Variants in TENM2 observed in about 807,000 individuals in gnomAD.
The protein encoded by TENM2 is teneurin-2.
Under a neutral mutation model 245.2 loss-of-function variants are expected in TENM2, and 52 were observed. The observed-to-expected ratio is 0.21, with a 90% confidence interval of 0.17 to 0.27. The LOEUF (loss-of-function observed/expected upper bound fraction) is 0.27. Among genes scored for constraint, TENM2 ranks in the 10% least tolerant of loss-of-function variants. TENM2 has a pLI of 1.00. For synonymous variants in TENM2, 1,363 were observed against 1,438.9 expected, an observed-to-expected ratio of 0.95 and a Z score of 1.19; for missense variants, 3,046 against 3,666.8, an observed-to-expected ratio of 0.83 and a Z score of 4.37.
At chr5:167,393,015 G>A (rs757597553) in intron 2 of TENM2, among the ~76,000 whole-genome samples, 1 of 151,752 alleles carries the variant, frequency 6.6e-6, no homozygotes. Context: ...CCAGCTACTC[G>A]GGAGGCTGAG....
chr5:168,194,398 G>T (rs1048574911), intron 14 of TENM2, among the ~76,000 whole-genome samples: 5 of 152,128 alleles, frequency 3.3e-5, no homozygotes, highest in African/African-American at 1.2e-4. Context: ...GGATTTGTGG[G>T]AAAGTTCTAG....
chr5:167,600,953 C>T (rs1231403457), intron 2 of TENM2, among the ~76,000 whole-genome samples: 3 of 152,174 alleles, frequency 2.0e-5, no homozygotes, highest in Non-Finnish European at 4.4e-5. Flanking sequence ...TTGGCATCGC[C>T]ATTTGACATT....
Position 168,218,467 on chromosome 5 carries a change from G to A in TENM2, c.4576G>A (p.Val1526Ile), listed in dbSNP as rs780078353. The A allele has an allele frequency of 1.2e-5, 19 of 1,614,050 alleles. No individual in the cohort carries two copies. The highest frequency in any genetic ancestry group is 1.5e-5 in the Non-Finnish European group (18 of 1,179,894). The change falls in exon 23 of 29, where the codon GTC (valine) becomes ATC (isoleucine). Residue 1526 changes from valine (V) to isoleucine (I), a missense_variant. Val to Ile is a conservative substitution (Grantham distance 29, BLOSUM62 3). This residue lies in a region of TENM2 where 2,704 missense variants were observed against 3,331.9 expected (regional missense o/e 0.81). Transcript: ENST00000518659. The surrounding 1 kb of genome is among the most constrained non-coding windows in gnomAD (Gnocchi z 5.2). The stretch of plus-strand genomic sequence containing the variant: ...CTCGGACTGCGACTGCAAAAACGAT[G>A]TCAATTGCAACTGCTATTCAGGAGA...
chr5:168,004,514 C>T (rs546322127), intron 5 of TENM2, among the ~76,000 whole-genome samples: 25 of 78,918 alleles, frequency 3.2e-4, no homozygotes, highest in Admixed American at 3.8e-4. Context: ...CATGCGCGCG[C>T]GCGCACACAC....
chr5:167,299,050 G>A (rs971086919), intron 1 of TENM2, among the ~76,000 whole-genome samples: 2 of 152,188 alleles, frequency 1.3e-5, no homozygotes, highest in Admixed American at 6.5e-5. Flanking sequence ...GGACAGGCCT[G>A]ACTTCTGAGA....
intron 2 of TENM2, among the ~76,000 whole-genome samples, chr5:167,566,976 T>C (rs1339589471): frequency 1.3e-5 from 2 of 152,194 alleles, no homozygotes; most frequent in East Asian, 3.8e-4. Context: ...TGCCAGAACA[T>C]GTTAATTAAT....
At chr5:167,953,962 C>A (rs2151849326) in intron 4 of TENM2, among the ~76,000 whole-genome samples, 1 of 151,920 alleles carries the variant, frequency 6.6e-6, no homozygotes, top group South Asian at 2.1e-4. Context: ...TATTTTCTGA[C>A]AATTATAGGA....
chr5:168,043,029 G>A (rs1469712883), intron 5 of TENM2, among the ~76,000 whole-genome samples: 3 of 152,182 alleles, frequency 2.0e-5, no homozygotes, highest in Non-Finnish European at 4.4e-5. Flanking sequence ...AGGGAGGAAT[G>A]TTAGGGAGAG....
intron 9 of TENM2, among the ~76,000 whole-genome samples, chr5:168,099,674 C>T (rs1042183606): frequency 6.6e-6 from 1 of 152,190 alleles, no homozygotes; most frequent in Non-Finnish European, 1.5e-5. Context: ...AGTGCCTCTC[C>T]TTTCCCACCC....
the TENM2 span, among the ~76,000 whole-genome samples, chr5:167,026,835 C>A: frequency 6.6e-6 from 1 of 152,180 alleles, no homozygotes; most frequent in African/African-American, 2.4e-5. Flanking sequence ...GGACAAGCCA[C>A]ATTGCATCAA....
chr5:167,813,249 A>T (rs1227931667), intron 2 of TENM2, among the ~76,000 whole-genome samples: 2 of 152,094 alleles, frequency 1.3e-5, no homozygotes, highest in Admixed American at 6.6e-5. Context: ...GAGTCTCCAA[A>T]ATGTTTCCAG....
At chr5:167,727,446 C>G (rs1003341524) in intron 2 of TENM2, among the ~76,000 whole-genome samples, 1 of 152,162 alleles carries the variant, frequency 6.6e-6, no homozygotes, top group Admixed American at 6.5e-5. Flanking sequence ...TTTCACATGC[C>G]TTGTGTCAGC....
At chr5:167,135,651 C>T in the TENM2 span, among the ~76,000 whole-genome samples, 1 of 152,072 alleles carries the variant, frequency 6.6e-6, no homozygotes, top group South Asian at 2.1e-4. Flanking sequence ...GTGGCGCGCA[C>T]CTGTAGTCCC....
the TENM2 span, among the ~76,000 whole-genome samples, chr5:166,992,139 A>C: frequency 3.9e-5 from 6 of 152,224 alleles, no homozygotes; most frequent in South Asian, 1.0e-3. Flanking sequence ...TCATATTATA[A>C]ATAAATCATG....
chr5:168,073,556 A>AG (rs926529835), intron 7 of TENM2, among the ~76,000 whole-genome samples: 1 of 152,196 alleles, frequency 6.6e-6, no homozygotes, highest in African/African-American at 2.4e-5. Flanking sequence ...AGAGTGACCT[A>AG]GGGGGGCAGC....
At chr5:166,986,527 A>G in the TENM2 span, among the ~76,000 whole-genome samples, 1 of 152,190 alleles carries the variant, frequency 6.6e-6, no homozygotes, top group African/African-American at 2.4e-5. Context: ...TAAGAAGTGT[A>G]TCTTATTTAT....
chr5:168,120,238 A>G (rs751904779), intron 10 of TENM2, among the ~76,000 whole-genome samples: 21 of 152,182 alleles, frequency 1.4e-4, no homozygotes, highest in Non-Finnish European at 2.6e-4. Context: ...TCAGTTCTCT[A>G]TATAATTTTT....
At chr5:167,009,505 A>G in the TENM2 span, among the ~76,000 whole-genome samples, 9 of 152,216 alleles carry the variant, frequency 5.9e-5, no homozygotes, top group East Asian at 1.7e-3. Context: ...TGTCTAATTA[A>G]TAATATTTGA....
intron 2 of TENM2, among the ~76,000 whole-genome samples, chr5:167,780,556 A>G (rs1276135483): frequency 2.0e-5 from 3 of 152,196 alleles, no homozygotes; most frequent in Non-Finnish European, 4.4e-5. Context: ...GATCCTAAGC[A>G]CAAGAAAGCC....
Sources: allele counts gnomAD v4.1 joint callset (sites outside exome capture counted in the v4.1 genomes callset), GRCh38; gene constraint gnomAD v4.1.1; regional missense constraint gnomAD v4.1.1; non-coding constraint Gnocchi (gnomAD v3.1); transcripts MANE v1.5; gene names NCBI Gene and HGNC (gene_info 2026-07-23, HGNC 2026-07-21).